EFL1: variants seen among roughly 807,000 people sequenced by gnomAD.
EFL1 encodes elongation factor-like GTPase 1.
EFL1 carries 76 observed loss-of-function variants against 126.7 expected under a neutral mutation model. The observed-to-expected ratio is 0.60, with a 90% CI of 0.50 to 0.73. The LOEUF (loss-of-function observed/expected upper bound fraction) is 0.73, where lower values mean the gene tolerates loss of function less well. Ranked by LOEUF, EFL1 falls within the 30% of genes least tolerant of loss-of-function variation. The pLI is 0.00. For missense variants in EFL1, 1,128 were observed against 1,343.2 expected, an observed-to-expected ratio of 0.84 and a Z score of 2.50; for synonymous variants, 410 against 448.4, an observed-to-expected ratio of 0.91 and a Z score of 1.08.
intron 18 of EFL1, among the ~76,000 whole-genome samples, chr15:82,143,511 A>G (rs2073810850): frequency 6.6e-6 from 1 of 152,236 alleles, no homozygotes; most frequent in South Asian, 2.1e-4. Context: ...CTTATACACC[A>G]GGTCACACTA....
At chr15:82,201,073 A>G (rs766081115) in intron 15 of EFL1, among the ~76,000 whole-genome samples, 8 of 152,214 alleles carry the variant, frequency 5.3e-5, no homozygotes, top group Non-Finnish European at 1.0e-4. Flanking sequence ...ACGGGGTCCC[A>G]CTATGTTGCC....
At chr15:82,255,742 C>T (rs1483520176) in intron 3 of EFL1, among the ~76,000 whole-genome samples, 1 of 152,110 alleles carries the variant, frequency 6.6e-6, no homozygotes, top group Non-Finnish European at 1.5e-5. Flanking sequence ...AAAGGTTCAT[C>T]TTTTTCCCAC....
intron 14 of EFL1, among the ~76,000 whole-genome samples, chr15:82,217,998 G>A (rs536381053): frequency 1.3e-5 from 2 of 152,300 alleles, no homozygotes; most frequent in South Asian, 4.1e-4. Context: ...TAGTACTGCA[G>A]GTGCAAATAT....
intron 19 of EFL1, among the ~76,000 whole-genome samples, chr15:82,134,022 T>A (rs935855463): frequency 5.9e-5 from 9 of 152,224 alleles, no homozygotes; most frequent in Non-Finnish European, 1.2e-4. Context: ...GCCAGTTCCC[T>A]ACTTGCTTAG....
At chr15:82,191,854 G>A (rs1414821533) in intron 15 of EFL1, among the ~76,000 whole-genome samples, 4 of 152,068 alleles carry the variant, frequency 2.6e-5, no homozygotes, top group Admixed American at 6.5e-5. Flanking sequence ...TTATATTTGC[G>A]ACTGAGTTAA....
In EFL1 at chr15:82,151,322, AGGTT is replaced by A. The variant is rs201727185; in HGVS notation, c.2989+139_2989+142del. ...AGGATTGCTTGAGCCTGGTAGGCAGAGGTTGCAGTGAGCCGAGATTGTGCCACTG... is the reference window on the plus strand; with the variant it reads ...AGGATTGCTTGAGCCTGGTAGGCAGAGCAGTGAGCCGAGATTGTGCCACTG... On this transcript the variant is annotated intron_variant, in intron 18 of 19. Transcript: ENST00000268206. The A allele has an allele frequency of 7.9e-3, 5,904 of 750,762 alleles. 35 individuals are homozygous for A. Among genetic ancestry groups the A allele is most frequent in the Non-Finnish European group, 8.8e-3 (3,988 of 455,432 alleles). 46.5% of individuals were successfully genotyped at this position (750,762 alleles called of 1,614,324 possible). A position where few individuals can be genotyped will look rare whatever the true frequency, so the allele number is the denominator to read the frequency against.
intron 19 of EFL1, among the ~76,000 whole-genome samples, chr15:82,136,060 C>T (rs1177010507): frequency 6.6e-6 from 1 of 151,700 alleles, no homozygotes; most frequent in Non-Finnish European, 1.5e-5. Flanking sequence ...TGCTTCCTAA[C>T]TAATATATCT....
At chr15:82,169,844 C>A (rs1173102152) in intron 15 of EFL1, among the ~76,000 whole-genome samples, 1 of 152,154 alleles carries the variant, frequency 6.6e-6, no homozygotes, top group Non-Finnish European at 1.5e-5. Context: ...TTCATAGATT[C>A]CTCAATGAAT....
At chr15:82,154,629 C>A (rs2073947623) in intron 17 of EFL1, among the ~76,000 whole-genome samples, 1 of 152,160 alleles carries the variant, frequency 6.6e-6, no homozygotes, top group Non-Finnish European at 1.5e-5. Flanking sequence ...ACAGTCTTAG[C>A]CCTCAGAGGG....
intron 11 of EFL1, among the ~76,000 whole-genome samples, chr15:82,226,326 G>A (rs148081169): frequency 7.9e-5 from 12 of 152,114 alleles, no homozygotes; most frequent in African/African-American, 2.9e-4. Flanking sequence ...GTACCACCAC[G>A]CCCAGTTAGT....
At chr15:82,252,879 T>C (rs1474768194) in intron 3 of EFL1, 104 bp from the exon 4 acceptor site, 2 of 755,352 alleles carry the variant, frequency 2.6e-6, no homozygotes, top group Non-Finnish European at 4.3e-6. Flanking sequence ...ATTTAATTTG[T>C]TATTTTTATT....
intron 16 of EFL1, among the ~76,000 whole-genome samples, chr15:82,160,928 C>G (rs1394490771): frequency 6.6e-6 from 1 of 152,050 alleles, no homozygotes; most frequent in African/African-American, 2.4e-5. Context: ...ATGTAAAATC[C>G]TTAGTACAGT....
At chr15:82,161,769 C>A (rs546496082) in intron 16 of EFL1, among the ~76,000 whole-genome samples, 1 of 152,226 alleles carries the variant, frequency 6.6e-6, no homozygotes, top group African/African-American at 2.4e-5. Flanking sequence ...TAGACTATCT[C>A]ATTTATGGAA....
intron 11 of EFL1, among the ~76,000 whole-genome samples, chr15:82,226,998 C>A (rs1199452950): frequency 6.6e-6 from 1 of 152,204 alleles, no homozygotes; most frequent in East Asian, 1.9e-4. Flanking sequence ...AGTGACAGAT[C>A]TAGTCCTGTG....
chr15:82,259,923 T>C (rs1373340259), intron 2 of EFL1, among the ~76,000 whole-genome samples: 6 of 152,230 alleles, frequency 3.9e-5, no homozygotes, highest in African/African-American at 1.4e-4. Flanking sequence ...CTGTCTGCAA[T>C]GTAAATATGT....
intron 15 of EFL1, among the ~76,000 whole-genome samples, chr15:82,213,441 A>AT (rs1413207917): frequency 2.0e-5 from 3 of 152,240 alleles, no homozygotes; most frequent in Non-Finnish European, 4.4e-5. Flanking sequence ...CTCTCCTTAT[A>AT]CACCACTTAA....
rs369503265 is a variant in EFL1 at position 82,138,829 on chromosome 15, A to G, written c.3003T>C (p.Ala1001=). Residue 1001 remains alanine (A), a synonymous_variant, in exon 19 of 20, where the codon GCT becomes GCC. Transcript: ENST00000268206. Reference sequence around the variant, plus strand: ...CCCGACCTTCTCTCTTTGACAAGACAGCATAGACTCGACCTGTAAAACCAT... The same window carrying G: ...CCCGACCTTCTCTCTTTGACAAGACGGCATAGACTCGACCTGTAAAACCAT... The part of the protein sequence containing the change: ...ATGDVLGRVY[A]VLSKREGRVL... 3 of 1,613,476 alleles carry G rather than the reference A, an allele frequency of 1.9e-6. No individual in the cohort carries two copies. The highest frequency in any genetic ancestry group is 2.7e-5 in the African/African-American group (2 of 74,988).
In EFL1 at chr15:82,138,807, G is replaced by A. The variant is rs867514102; in HGVS notation, c.3025C>T (p.Arg1009Trp). The change falls in exon 19 of 20, where the codon CGG (arginine) becomes TGG (tryptophan). Residue 1009 changes from arginine to tryptophan, a missense_variant. Arg to Trp is a moderately radical substitution (Grantham distance 101). Around this residue, in one of 6 missense-constraint regions of EFL1, gnomAD observed 561 missense variants for 641.7 expected, o/e 0.87. Coordinates refer to ENST00000268206, the MANE Select transcript of EFL1 (RefSeq NM_024580.6). ...TCTTTCATTTCTTCTTGAAGTACCC[G>A]ACCTTCTCTCTTTGACAAGACAGCA... ...VYAVLSKREGRVLQEEMKEGT... is the reference protein window; with the variant it reads ...VYAVLSKREGWVLQEEMKEGT... The A allele has an allele frequency of 3.1e-6, 5 of 1,613,668 alleles. No individual in the cohort carries two copies. Among genetic ancestry groups the A allele is most frequent in the East Asian group, 2.2e-5 (1 of 44,852 alleles).
At chr15:82,190,668 C>A (rs189535175) in intron 15 of EFL1, among the ~76,000 whole-genome samples, 1 of 152,196 alleles carries the variant, frequency 6.6e-6, no homozygotes, top group East Asian at 1.9e-4. Flanking sequence ...AAGTGGCTGG[C>A]AAGTAGAATC....
Sources: allele counts gnomAD v4.1 joint callset (sites outside exome capture counted in the v4.1 genomes callset), GRCh38; gene constraint gnomAD v4.1.1; regional missense constraint gnomAD v4.1.1; transcripts MANE v1.5; gene names NCBI Gene and HGNC (gene_info 2026-07-23, HGNC 2026-07-21).